The following CAMTA1 variants were observed in gnomAD, a reference collection of about 807,000 sequenced individuals.
The protein encoded by CAMTA1 is calmodulin binding transcription activator 1.
CAMTA1 carries 27 observed loss-of-function variants against 170.9 expected under a neutral mutation model. The observed-to-expected ratio is 0.16, with a 90% CI of 0.12 to 0.22. The LOEUF (loss-of-function observed/expected upper bound fraction) is 0.22. Among genes scored for constraint, CAMTA1 ranks in the 10% least tolerant of loss-of-function variants. The pLI is 1.00. For missense variants in CAMTA1, 1,619 were observed against 2,217.2 expected, an observed-to-expected ratio of 0.73 and a Z score of 5.42; for synonymous variants, 833 against 891.5, an observed-to-expected ratio of 0.93 and a Z score of 1.17.
At chr1:7,137,705 T>C (rs1645623108) in intron 4 of CAMTA1, among the ~76,000 whole-genome samples, 1 of 152,154 alleles carries the variant, frequency 6.6e-6, no homozygotes, top group Admixed American at 6.5e-5. Flanking sequence ...GTATGCCCTT[T>C]CCCCTGATAT....
rs115549898 is a variant in CAMTA1 at position 6,971,781 on chromosome 1, T to G, written c.235-119523T>G. On this transcript the variant is annotated intron_variant, in intron 3 of 22. Coordinates refer to ENST00000303635, the MANE Select transcript of CAMTA1 (RefSeq NM_015215.4). This position sits in a 1 kb window ranked among gnomAD's most constrained non-coding sequence, Gnocchi z 4.6. ...AGGAAAGAGAAGAAAAGGCCAGGCC[T>G]GCCTGTGGCCGCCCCCGGGTCTCAG... is the stretch of plus-strand genomic sequence containing the variant. 6.4e-4 allele frequency among the ~76,000 whole-genome samples: 98 copies of G among 152,328 alleles called. No individual in the cohort carries two copies. Among genetic ancestry groups the G allele is most frequent in the African/African-American group, 2.3e-3 (96 of 41,576 alleles).
At chr1:7,438,661 G>A (rs1408227959) in intron 5 of CAMTA1, among the ~76,000 whole-genome samples, 1 of 152,184 alleles carries the variant, frequency 6.6e-6, no homozygotes, top group African/African-American at 2.4e-5. Context: ...CCCAACATCT[G>A]TCTCCTCCGA....
chr1:7,511,831 CA>C (rs1256719677), intron 6 of CAMTA1, among the ~76,000 whole-genome samples: 1 of 152,224 alleles, frequency 6.6e-6, no homozygotes, highest in Non-Finnish European at 1.5e-5. Flanking sequence ...TCCTGGTCCC[CA>C]AACTCCACTT....
At chr1:6,816,794 C>G (rs1645877915) in intron 1 of CAMTA1, among the ~76,000 whole-genome samples, 1 of 152,198 alleles carries the variant, frequency 6.6e-6, no homozygotes, top group Non-Finnish European at 1.5e-5. Flanking sequence ...CCCAGTATTG[C>G]AGACAGGCGC....
At chr1:7,759,533 T>C (rs906774980) in intron 22 of CAMTA1, among the ~76,000 whole-genome samples, 1 of 152,218 alleles carries the variant, frequency 6.6e-6, no homozygotes, top group Non-Finnish European at 1.5e-5. Flanking sequence ...TGTTTTTCTG[T>C]TTTTTGTCTT....
chr1:6,926,355 C>T (rs1683088112), intron 3 of CAMTA1, among the ~76,000 whole-genome samples: 1 of 144,858 alleles, frequency 6.9e-6, no homozygotes. Flanking sequence ...TTCCTCCCTC[C>T]CTCCCTTCCT....
In CAMTA1 at chr1:7,092,579, G is replaced by A. The variant is rs1398975728; in HGVS notation, c.302+1208G>A. Among the ~76,000 whole-genome samples, 2 of 152,144 alleles carry A rather than the reference G, an allele frequency of 1.3e-5. No individual in the cohort carries two copies. The highest frequency in any genetic ancestry group is 2.9e-5 in the Non-Finnish European group (2 of 68,022). On this transcript the variant is annotated intron_variant, in intron 4 of 22. Coordinates refer to ENST00000303635, the MANE Select transcript of CAMTA1 (RefSeq NM_015215.4). This position sits in a 1 kb window ranked among gnomAD's most constrained non-coding sequence, Gnocchi z 5.0. The stretch of plus-strand genomic sequence containing the variant: ...CTGAGAATGGGAGGAGAGTCTGTCC[G>A]CAGGAGTCCCCAAAACCTCAGCCTG...
intron 5 of CAMTA1, chr1:7,388,196 G>A (rs845232): frequency 0.68 from 103,820 of 152,042 alleles, 36,063 homozygotes; most frequent in Middle Eastern, 0.8. Context: ...AATGACACAG[G>A]GCTTTAATGG....
intron 11 of CAMTA1, among the ~76,000 whole-genome samples, chr1:7,707,851 G>A (rs1031530276): frequency 6.6e-6 from 1 of 152,142 alleles, no homozygotes; most frequent in African/African-American, 2.4e-5. Flanking sequence ...TCCTCTTCTT[G>A]AGTGAATTGC....
intron 3 of CAMTA1, among the ~76,000 whole-genome samples, chr1:6,860,481 A>T (rs1339914144): frequency 6.6e-6 from 1 of 151,874 alleles, no homozygotes; most frequent in Admixed American, 6.6e-5. Context: ...TTTTACCTGA[A>T]CTCCTTGTTC....
chr1:6,824,972 C>A, intron 2 of CAMTA1, 120 bp from the exon 3 acceptor site: 1 of 554,448 alleles, frequency 1.8e-6, no homozygotes, highest in South Asian at 2.6e-5. Context: ...AATAGTGGGG[C>A]CTCTGATGCT....
intron 6 of CAMTA1, among the ~76,000 whole-genome samples, chr1:7,601,989 G>GGGGAGAGGGAGA (rs1168305140): frequency 8.6e-6 from 1 of 116,482 alleles, no homozygotes. Context: ...GGGAGACCGT[G>GGGGAGAGGGAGA]GGGAGAGGGA....
chr1:7,494,097 T>C (rs2093786207), intron 6 of CAMTA1, among the ~76,000 whole-genome samples: 1 of 151,788 alleles, frequency 6.6e-6, no homozygotes, highest in African/African-American at 2.4e-5. Flanking sequence ...TCTGGGTTTT[T>C]CTTTCAAGAG....
At chr1:7,272,713 A>AG (rs1670023801) in intron 5 of CAMTA1, among the ~76,000 whole-genome samples, 1 of 94,506 alleles carries the variant, frequency 1.1e-5, no homozygotes, top group Non-Finnish European at 2.5e-5. Flanking sequence ...AAAAAAAAAA[A>AG]AAAGAAAAGA....
rs1358736094 is a variant in CAMTA1 at position 7,561,759 on chromosome 1, G to A, written c.511-78641G>A. Among the ~76,000 whole-genome samples, 2 of 151,988 alleles carry A rather than the reference G, an allele frequency of 1.3e-5. No individual in the cohort carries two copies. Among genetic ancestry groups the A allele is most frequent in the African/African-American group, 4.8e-5 (2 of 41,382 alleles). ...GCCTGTCAGAGGCCACCCCTCCCCA[G>A]CCCAACAGGCCATGGTGTTAGCCTC... On this transcript the variant is annotated intron_variant, in intron 6 of 22. Coordinates refer to ENST00000303635, the MANE Select transcript of CAMTA1 (RefSeq NM_015215.4). This position sits in a 1 kb window ranked among gnomAD's most constrained non-coding sequence, Gnocchi z 5.3.
At chr1:7,275,768 A>G (rs1670499454) in intron 5 of CAMTA1, among the ~76,000 whole-genome samples, 1 of 152,186 alleles carries the variant, frequency 6.6e-6, no homozygotes, top group African/African-American at 2.4e-5. Context: ...GTAATTTAAA[A>G]TCTTTCCCCA....
rs923933554 is a variant in CAMTA1 at position 7,051,883 on chromosome 1, C to T, written c.235-39421C>T. On this transcript the variant is annotated intron_variant, in intron 3 of 22. Coordinates refer to ENST00000303635, the MANE Select transcript of CAMTA1 (RefSeq NM_015215.4). ...TCTGTACGCCCCCTCTCCTGACCCT[C>T]CCACCCCAGCTCCTGGAACATTCTG... 1.8e-4 allele frequency among the ~76,000 whole-genome samples: 27 copies of T among 152,094 alleles called. 1 individual carries two copies. Among genetic ancestry groups the T allele is most frequent in the Admixed American group, 1.6e-3 (24 of 15,274 alleles).
intron 4 of CAMTA1, among the ~76,000 whole-genome samples, chr1:7,174,058 G>C (rs1448783720): frequency 6.6e-6 from 1 of 151,992 alleles, no homozygotes. Flanking sequence ...CAGTCCACAC[G>C]AGAGCCCCTC....
chr1:7,629,861 T>G (rs568488575), intron 6 of CAMTA1, among the ~76,000 whole-genome samples: 2 of 150,832 alleles, frequency 1.3e-5, no homozygotes, highest in South Asian at 4.2e-4. Context: ...TCCTGGGAGG[T>G]CCTCTCTCGG....
Sources: allele counts gnomAD v4.1 joint callset (sites outside exome capture counted in the v4.1 genomes callset), GRCh38; gene constraint gnomAD v4.1.1; non-coding constraint Gnocchi (gnomAD v3.1); transcripts MANE v1.5; gene names NCBI Gene and HGNC (gene_info 2026-07-23, HGNC 2026-07-21).